Variants in SLC5A9 observed in about 807,000 individuals in gnomAD.
The protein encoded by SLC5A9 is solute carrier family 5 member 9.
A neutral mutation model predicts 70.9 loss-of-function variants in SLC5A9; 59 were observed. The ratio of observed to expected loss-of-function variants is 0.83; its 90% confidence interval spans 0.68 to 1.03. SLC5A9 has a LOEUF of 1.03. SLC5A9 is among the 50% of genes least tolerant of loss of function. The pLI is 0.00. For synonymous variants in SLC5A9, 340 were observed against 346.5 expected (o/e 0.98, Z 0.21); for missense variants, 832 against 881.1 (o/e 0.94, Z 0.71).
At chr1:48,233,798 A>C (rs1569843109) in intron 9 of SLC5A9, 36 bp downstream of exon 9, 73 of 1,449,142 alleles carry the variant, frequency 5.0e-5, no homozygotes, top group Non-Finnish European at 6.5e-5. Flanking sequence ...CTGCACTCTC[A>C]CCTCCAGCCT....
At chr1:48,235,592 G>T in intron 9 of SLC5A9, 137 bp from the exon 10 acceptor site, 1 of 965,118 alleles carries the variant, frequency 1.0e-6, no homozygotes, top group Non-Finnish European at 1.6e-6. Flanking sequence ...TGCTGGATGG[G>T]AGCCTCATCC....
chr1:48,234,179 G>A (rs533046131), intron 9 of SLC5A9, among the ~76,000 whole-genome samples: 7 of 152,220 alleles, frequency 4.6e-5, no homozygotes, highest in African/African-American at 1.2e-4. Context: ...AGACACAGCC[G>A]GAGGAGCATG....
Position 48,247,206 on chromosome 1 carries a change from A to AC in SLC5A9, c.1838-123dup, listed in dbSNP as rs1010401569. The AC allele has an allele frequency of 4.5e-5, 36 of 805,210 alleles. No homozygotes were observed. In the African/African-American group the frequency reaches 4.7e-4, roughly 10 times the overall value. The allele number at this position is 805,210 out of a possible 1,614,324, so 49.9% of individuals were successfully genotyped here. A position where few individuals can be genotyped will look rare whatever the true frequency, so the allele number is the denominator to read the frequency against. Reference sequence around the variant, plus strand: ...CTTCACCCCTCCCCAGTTTCTGTGCACCCCCCATACTTTCCATCAGTATCT... The same window carrying AC: ...CTTCACCCCTCCCCAGTTTCTGTGCACCCCCCCATACTTTCCATCAGTATCT... On this transcript the variant is annotated intron_variant, in intron 13 of 13. Coordinates refer to ENST00000438567, the MANE Select transcript of SLC5A9 (RefSeq NM_001011547.3).
chr1:48,244,910 A>ATATATATATATAT (rs56780309), intron 13 of SLC5A9, among the ~76,000 whole-genome samples: 585 of 110,412 alleles, frequency 5.3e-3, no homozygotes, highest in Non-Finnish European at 6.5e-3. Flanking sequence ...ATATATATAT[A>ATATATATATATAT]AAACCTCTGT....
chr1:48,235,577 A>T, intron 9 of SLC5A9, 152 bp from the exon 10 acceptor site: 1 of 838,134 alleles, frequency 1.2e-6, no homozygotes, highest in South Asian at 1.8e-5. Flanking sequence ...AGGATTTCTT[A>T]TCTGTGCTGG....
intron 2 of SLC5A9, 71 bp from the exon 3 acceptor site, chr1:48,228,779 T>C: frequency 1.9e-6 from 3 of 1,592,004 alleles, no homozygotes; most frequent in South Asian, 1.1e-5. Flanking sequence ...TCCTCACTAC[T>C]CATGGTCCTC....
chr1:48,226,085 G>A (rs1644142491), intron 2 of SLC5A9, among the ~76,000 whole-genome samples: 1 of 152,204 alleles, frequency 6.6e-6, no homozygotes, highest in Non-Finnish European at 1.5e-5. Flanking sequence ...CAGCATGACA[G>A]AATCCCCAGG....
rs1388832831 is a variant in SLC5A9 at position 48,242,487 on chromosome 1, T to C, written c.1708T>C (p.Cys570Arg). The C allele has an allele frequency of 1.2e-6, 2 of 1,612,138 alleles. No homozygotes were observed. Among genetic ancestry groups the C allele is most frequent in the East Asian group, 2.2e-5 (1 of 44,828 alleles). ...LTRLTWWTRN[C>R]PLSELEKEAH... ...ACGCCTCACATGGTGGACTCGGAAC[T>C]GCCCCCTCTCTGAGCTGGAGAAGGA... is the stretch of plus-strand genomic sequence containing the variant. Residue 570 changes from cysteine (C) to arginine (R), a missense_variant, in exon 13 of 14, where the codon TGC becomes CGC. Cys to Arg is a radical substitution (Grantham distance 180). Transcript: ENST00000438567.
chr1:48,242,604 G>T lies in SLC5A9; in HGVS notation c.1825G>T (p.Glu609Ter). 1.9e-6 allele frequency: 3 copies of T among 1,611,046 alleles called. No individual in the cohort carries two copies. The highest frequency in any genetic ancestry group is 2.5e-6 in the Non-Finnish European group (3 of 1,178,724). ...GGCAGAGAACTCGAGCCTGGGCCAGGAGCAGCCTGAAGGTAGGCTGCGGCA... is the reference window on the plus strand; with the variant it reads ...GGCAGAGAACTCGAGCCTGGGCCAGTAGCAGCCTGAAGGTAGGCTGCGGCA... ...GAAENSSLGQEQPEAPSRSWG... is the reference protein window; with the variant it reads ...GAAENSSLGQ Residue 609 changes from glutamate (E) to a stop codon, truncating the protein, a stop_gained, in exon 13 of 14, where the codon GAG becomes TAG. Coordinates refer to ENST00000438567, the MANE Select transcript of SLC5A9 (RefSeq NM_001011547.3). LOFTEE classifies it low-confidence loss of function (END_TRUNC).
chr1:48,245,110 C>T (rs1644446278), intron 13 of SLC5A9, among the ~76,000 whole-genome samples: 1 of 149,400 alleles, frequency 6.7e-6, no homozygotes, highest in African/African-American at 2.5e-5. Flanking sequence ...ACTGCTCCCC[C>T]ATCATCATTG....
intron 8 of SLC5A9, among the ~76,000 whole-genome samples, 153 bp downstream of exon 8, chr1:48,232,655 C>T (rs1213139120): frequency 6.6e-6 from 1 of 151,980 alleles, no homozygotes; most frequent in Non-Finnish European, 1.5e-5. Context: ...GTGGCATGCA[C>T]CCATAGACCC....
chr1:48,231,816 CA>C, intron 6 of SLC5A9, 129 bp from the exon 7 acceptor site: 1 of 1,527,674 alleles, frequency 6.5e-7, no homozygotes, highest in Non-Finnish European at 8.8e-7. Context: ...GCCCAAGCCC[CA>C]TCTTCCTCCT....
rs1327536205 is a variant in SLC5A9 at position 48,228,845 on chromosome 1, T to C, written c.235-5T>C. On this transcript the variant is annotated splice_region_variant and splice_polypyrimidine_tract_variant and intron_variant, in intron 2 of 13. Coordinates refer to ENST00000438567, the MANE Select transcript of SLC5A9 (RefSeq NM_001011547.3). ...CCTGACCCTTGACCCAACTGTGCCT[T>C]GCAGATTGGAGCATCTCTGATGTCC... 5 of 1,613,714 alleles carry C rather than the reference T, an allele frequency of 3.1e-6. No homozygotes were observed. Among genetic ancestry groups the C allele is most frequent in the Non-Finnish European group, 4.2e-6 (5 of 1,179,882 alleles).
intron 8 of SLC5A9, 82 bp downstream of exon 8, chr1:48,232,584 A>G: frequency 1.9e-6 from 3 of 1,567,246 alleles, no homozygotes; most frequent in Non-Finnish European, 1.7e-6. Context: ...GGCCCTGGAC[A>G]ATGTTAGGCC....
chr1:48,236,322 G>A (rs908877709), intron 10 of SLC5A9, among the ~76,000 whole-genome samples: 1 of 152,118 alleles, frequency 6.6e-6, no homozygotes, highest in Non-Finnish European at 1.5e-5. Flanking sequence ...GGGGACCCAC[G>A]GATGGGTCAT....
At position 48,239,249 on chromosome 1, in the gene SLC5A9, G is replaced by T; in HGVS notation, c.1462-73G>T. On this transcript the variant is annotated intron_variant, in intron 11 of 13. Transcript: ENST00000438567. This position sits in a 1 kb window ranked among gnomAD's most constrained non-coding sequence, Gnocchi z 4.2. Reference sequence around the variant, plus strand: ...TAAACCAGTGGGAGAGAGATTTGGGGAGAGAGTAGTTTTACCTTCCTAGGG... The same window carrying T: ...TAAACCAGTGGGAGAGAGATTTGGGTAGAGAGTAGTTTTACCTTCCTAGGG... 2 of 1,079,234 alleles carry T rather than the reference G, an allele frequency of 1.9e-6. No individual in the cohort carries two copies. Among genetic ancestry groups the T allele is most frequent in the Non-Finnish European group, 2.7e-6 (2 of 732,220 alleles). 66.9% of individuals were successfully genotyped at this position (1,079,234 alleles called of 1,614,324 possible).
chr1:48,231,820 T>C, intron 6 of SLC5A9, 126 bp from the exon 7 acceptor site: 1 of 1,533,044 alleles, frequency 6.5e-7, no homozygotes. Context: ...AAGCCCCATC[T>C]TCCTCCTTCA....
At chr1:48,247,251 C>A in intron 13 of SLC5A9, 84 bp from the exon 14 acceptor site, 1 of 1,274,920 alleles carries the variant, frequency 7.8e-7, no homozygotes, top group Non-Finnish European at 1.1e-6. Flanking sequence ...TCTCCCTCCC[C>A]TACTCTCCTA....
chr1:48,243,315 C>T lies in SLC5A9; in HGVS notation c.1837+699C>T, dbSNP rs75508879. Among the ~76,000 whole-genome samples, 46 of 152,248 alleles carry T rather than the reference C, an allele frequency of 3.0e-4. No homozygotes were observed. In the East Asian group the frequency reaches 8.5e-3, roughly 28 times the overall value. On this transcript the variant is annotated intron_variant, in intron 13 of 13. Coordinates refer to ENST00000438567, the MANE Select transcript of SLC5A9 (RefSeq NM_001011547.3). ...CTGTTTTCATGAGGTTCCTACAAAACACCCTCCCATACCTCTGGGTGTCTC... is the reference window on the plus strand; with the variant it reads ...CTGTTTTCATGAGGTTCCTACAAAATACCCTCCCATACCTCTGGGTGTCTC...
Sources: gnomAD v4.1 joint callset for allele counts (sites outside exome capture counted in the v4.1 genomes callset) on GRCh38, gnomAD v4.1.1 for gene constraint, Gnocchi (gnomAD v3.1) non-coding constraint, MANE v1.5 for transcripts, NCBI Gene and HGNC (gene_info 2026-07-23, HGNC 2026-07-21) for gene names.